The following TRPC7 variants were observed in gnomAD, a reference collection of about 807,000 sequenced individuals.
The protein encoded by TRPC7 is transient receptor potential cation channel subfamily C member 7, also known as short transient receptor potential channel 7.
TRPC7 carries 42 observed loss-of-function variants against 90.1 expected under a neutral mutation model. The observed-to-expected ratio is 0.47, with a 90% CI of 0.36 to 0.60. The LOEUF (loss-of-function observed/expected upper bound fraction) is 0.60. TRPC7 is among the 20% of genes least tolerant of loss of function. The pLI, the probability that TRPC7 is intolerant of heterozygous loss-of-function variation, is 0.00. For synonymous variants in TRPC7, 451 were observed against 436.3 expected, an observed-to-expected ratio of 1.03 and a Z score of -0.42; for missense variants, 955 against 1,112.3, an observed-to-expected ratio of 0.86 and a Z score of 2.01.
At chr5:136,277,599 A>G (rs764246642) in intron 3 of TRPC7, among the ~76,000 whole-genome samples, 5 of 152,216 alleles carry the variant, frequency 3.3e-5, no homozygotes, top group Admixed American at 6.5e-5. Flanking sequence ...ACACAAAGAA[A>G]ACTCTACCCA....
At chr5:136,253,525 T>C (rs1283151405) in intron 5 of TRPC7, among the ~76,000 whole-genome samples, 1 of 152,216 alleles carries the variant, frequency 6.6e-6, no homozygotes, top group African/African-American at 2.4e-5. Flanking sequence ...CATTATTATA[T>C]TCATTATGGT....
chr5:136,257,118 A>C (rs1561690393), intron 5 of TRPC7, among the ~76,000 whole-genome samples: 2 of 152,122 alleles, frequency 1.3e-5, no homozygotes, highest in Admixed American at 1.3e-4. Context: ...GGACTATTTT[A>C]ATCAGAAAAT....
At chr5:136,342,189 T>TA (rs1233315188) in intron 2 of TRPC7, among the ~76,000 whole-genome samples, 1 of 152,154 alleles carries the variant, frequency 6.6e-6, no homozygotes, top group Non-Finnish European at 1.5e-5. Flanking sequence ...TCCATCAAGG[T>TA]AACAGGACAT....
intron 5 of TRPC7, 147 bp from the exon 6 acceptor site, chr5:136,252,029 GT>G: frequency 1.5e-6 from 1 of 653,030 alleles, no homozygotes; most frequent in Non-Finnish European, 2.6e-6. Flanking sequence ...ACAGAAACGT[GT>G]TTTCAAAGGC....
intron 3 of TRPC7, among the ~76,000 whole-genome samples, chr5:136,279,384 A>G (rs1757472747): frequency 6.6e-6 from 1 of 152,184 alleles, no homozygotes; most frequent in Non-Finnish European, 1.5e-5. Context: ...AGGGTGCTGG[A>G]CTTCTTCCAG....
chr5:136,360,616 T>G (rs1355408006), intron 1 of TRPC7, among the ~76,000 whole-genome samples: 1 of 152,208 alleles, frequency 6.6e-6, no homozygotes, highest in Non-Finnish European at 1.5e-5. Flanking sequence ...CTTTAAAACC[T>G]CAGCCTTGAA....
At chr5:136,300,118 A>C (rs1758323547) in intron 3 of TRPC7, among the ~76,000 whole-genome samples, 1 of 152,224 alleles carries the variant, frequency 6.6e-6, no homozygotes, top group Non-Finnish European at 1.5e-5. Context: ...AAGGTAGCAA[A>C]ACAGGCAAAA....
At chr5:136,221,372 G>C (rs1190475584) in intron 10 of TRPC7, among the ~76,000 whole-genome samples, 1 of 152,226 alleles carries the variant, frequency 6.6e-6, no homozygotes, top group Admixed American at 6.5e-5. Flanking sequence ...TTGTCACGCA[G>C]AGCCCTACAT....
At chr5:136,267,267 G>T (rs115392254) in intron 4 of TRPC7, among the ~76,000 whole-genome samples, 1 of 152,130 alleles carries the variant, frequency 6.6e-6, no homozygotes, top group African/African-American at 2.4e-5. Context: ...GGATCGAATT[G>T]AGGGCTGCAC....
chr5:136,310,168 A>G lies in TRPC7; in HGVS notation c.963+5429T>C, dbSNP rs148730336. 1.3e-3 allele frequency among the ~76,000 whole-genome samples: 199 copies of G among 152,220 alleles called. 2 individuals carry two copies. Among genetic ancestry groups the G allele is most frequent in the African/African-American group, 4.6e-3 (190 of 41,544 alleles). On this transcript the variant is annotated intron_variant, in intron 3 of 11. Coordinates refer to ENST00000513104, the MANE Select transcript of TRPC7 (RefSeq NM_020389.3). ...TATACACCATGTCTCTTCTCACCAC[A>G]GGGCTTTCAAACATGCTTTGAACAT...
Position 136,356,809 on chromosome 5 carries a change from G to A in TRPC7, c.579C>T (p.Pro193=), listed in dbSNP as rs755897748. 1 of 1,613,258 alleles carries A rather than the reference G, an allele frequency of 6.2e-7. No individual in the cohort carries two copies. Among genetic ancestry groups the A allele is most frequent in the African/African-American group, 1.3e-5 (1 of 74,930 alleles). The part of the protein sequence containing the change: ...LLLKGARIER[P]HDYFCKCNEC... ...CATTGCACTTGCAGAAGTAGTCGTG[G>A]GGCCGCTCGATGCGGGCGCCCTTGA... is the stretch of plus-strand genomic sequence containing the variant. The change falls in exon 2 of 12, where the codon CCC becomes CCT. Residue 193 remains proline, a synonymous_variant. Coordinates refer to ENST00000513104, the MANE Select transcript of TRPC7 (RefSeq NM_020389.3).
chr5:136,219,985 G>A (rs1451871274), intron 10 of TRPC7, among the ~76,000 whole-genome samples: 4 of 152,190 alleles, frequency 2.6e-5, no homozygotes, highest in Non-Finnish European at 5.9e-5. Flanking sequence ...CTGCGGCAGA[G>A]GAACATAAAT....
At chr5:136,243,323 A>G (rs1349793785) in intron 7 of TRPC7, among the ~76,000 whole-genome samples, 3 of 146,368 alleles carry the variant, frequency 2.0e-5, no homozygotes, top group Non-Finnish European at 3.0e-5. Context: ...TGTGGCAGGA[A>G]TGGGGTTGGG....
At position 136,213,225 on chromosome 5, in the gene TRPC7, C is replaced by T; in HGVS notation, c.*210G>A. On this transcript the variant is annotated 3_prime_UTR_variant, in exon 12 of 12. Transcript: ENST00000513104. ...CTCCCCTCCTCCCATGGTAGCTTTT[C>T]TTACCCAACCACCTAGATTCACAGC... 1 of 575,744 alleles carries T rather than the reference C, an allele frequency of 1.7e-6. No homozygotes were observed. The highest frequency in any genetic ancestry group is 3.1e-6 in the Non-Finnish European group (1 of 327,432). The allele number at this position is 575,744 out of a possible 1,614,324, so 35.7% of individuals were successfully genotyped here. A position where few individuals can be genotyped will look rare whatever the true frequency, so the allele number is the denominator to read the frequency against.
chr5:136,323,813 C>T (rs971934142), intron 2 of TRPC7, among the ~76,000 whole-genome samples: 2 of 152,060 alleles, frequency 1.3e-5, no homozygotes, highest in Admixed American at 6.6e-5. Flanking sequence ...TTTCTCATTC[C>T]TTCCCTTTAC....
In TRPC7 at chr5:136,318,112, GACAGGT is replaced by G. The variant is rs1759085675; in HGVS notation, c.781-2339_781-2334del. 2.0e-5 allele frequency among the ~76,000 whole-genome samples: 3 copies of G among 152,320 alleles called. No individual in the cohort carries two copies. The South Asian group carries it at 6.2e-4, about 32-fold the overall frequency. On this transcript the variant is annotated intron_variant, in intron 2 of 11. Coordinates refer to ENST00000513104, the MANE Select transcript of TRPC7 (RefSeq NM_020389.3). ...AACCCAGGCCTGCGAGGAAGAAGAT[GACAGGT>G]ACATGAATGGAAGCAGAGAGGGCCA...
At chr5:136,303,444 G>A (rs1242644072) in intron 3 of TRPC7, among the ~76,000 whole-genome samples, 4 of 152,116 alleles carry the variant, frequency 2.6e-5, no homozygotes, top group Non-Finnish European at 4.4e-5. Flanking sequence ...CAGCCAAGTA[G>A]CAATGTATTT....
intron 1 of TRPC7, among the ~76,000 whole-genome samples, chr5:136,363,568 A>G (rs913856187): frequency 1.3e-5 from 2 of 152,188 alleles, no homozygotes; most frequent in Non-Finnish European, 1.5e-5. Context: ...CAAGCAAAGT[A>G]TCCTTCTTTT....
intron 3 of TRPC7, among the ~76,000 whole-genome samples, chr5:136,277,720 G>A (rs1044115910): frequency 3.3e-5 from 5 of 152,200 alleles, no homozygotes; most frequent in African/African-American, 1.2e-4. Flanking sequence ...AGCTAGAATA[G>A]AATAGGAACT....
Sources: gnomAD v4.1 joint callset for allele counts (sites outside exome capture counted in the v4.1 genomes callset) on GRCh38, gnomAD v4.1.1 for gene constraint, MANE v1.5 for transcripts, NCBI Gene and HGNC (gene_info 2026-07-23, HGNC 2026-07-21) for gene names.